The following IQCH variants were observed in gnomAD, a reference collection of about 807,000 sequenced individuals.
The protein encoded by IQCH is IQ motif containing H.
In IQCH, 98 loss-of-function variants were observed where a neutral mutation model predicts 117.0. That is an observed-to-expected ratio of 0.84 (90% CI 0.71 to 0.99). IQCH has a LOEUF of 0.99. IQCH is among the 50% of genes least tolerant of loss of function. The pLI, the probability that IQCH is intolerant of heterozygous loss-of-function variation, is 0.00. For synonymous variants in IQCH, 412 were observed against 448.2 expected (o/e 0.92, Z 1.02); for missense variants, 1,102 against 1,243.8 (o/e 0.89, Z 1.72).
chr15:67,499,152 A>G (rs1376476617), intron 20 of IQCH, among the ~76,000 whole-genome samples: 1 of 151,942 alleles, frequency 6.6e-6, no homozygotes, highest in Non-Finnish European at 1.5e-5. Context: ...ATTTTTAGCT[A>G]GCCAGGCATG....
chr15:67,428,862 A>AAGAG (rs376864110), intron 16 of IQCH, among the ~76,000 whole-genome samples: 1 of 150,248 alleles, frequency 6.7e-6, no homozygotes, highest in African/African-American at 2.4e-5. Context: ...AAAAAAAAAA[A>AAGAG]AGAGAGAGAG....
At chr15:67,373,455 A>G (rs377457800) in intron 10 of IQCH, 22 bp downstream of exon 10, 6 of 1,494,734 alleles carry the variant, frequency 4.0e-6, no homozygotes, top group Non-Finnish European at 5.6e-6. Flanking sequence ...TTGCCTGCAA[A>G]TCTATCAGCA....
chr15:67,377,124 A>G (rs1042284851), intron 10 of IQCH, among the ~76,000 whole-genome samples: 4 of 150,202 alleles, frequency 2.7e-5, no homozygotes, highest in African/African-American at 2.5e-5. Context: ...TCAAAAAAAA[A>G]AAAAAAAGAA....
intron 8 of IQCH, chr15:67,371,492 A>C (rs748318087): frequency 1.3e-6 from 2 of 1,593,094 alleles, no homozygotes; most frequent in Non-Finnish European, 1.7e-6. Context: ...CAGACTTAAG[A>C]ATAAAAGAAC....
chr15:67,296,451 G>T (rs1025363441), intron 4 of IQCH, among the ~76,000 whole-genome samples: 17 of 152,156 alleles, frequency 1.1e-4, no homozygotes, highest in African/African-American at 3.9e-4. Context: ...GAATGGGTCA[G>T]ATTACGCCAC....
chr15:67,388,833 G>A lies in IQCH; in HGVS notation c.1459G>A (p.Ala487Thr), dbSNP rs1287520981. Reference protein sequence around the residue: ...QLGRLCDILDANVNVIYICSH... With the variant: ...QLGRLCDILDTNVNVIYICSH... ...AACATTGTGCCTGTTGTTTTTAGAT[G>A]CCAATGTGAATGTCATCTACATCTG... The change falls in exon 12 of 21, where the codon GCC (alanine) becomes ACC (threonine). Residue 487 changes from alanine to threonine, a missense_variant and splice_region_variant. Ala to Thr is a moderately conservative substitution (Grantham distance 58). Around this residue, in one of 2 missense-constraint regions of IQCH, gnomAD observed 650 missense variants for 794.3 expected, o/e 0.82. Coordinates refer to ENST00000335894, the MANE Select transcript of IQCH (RefSeq NM_001031715.3). The surrounding 1 kb of genome is among the most constrained non-coding windows in gnomAD (Gnocchi z 5.5). The A allele has an allele frequency of 6.2e-7, 1 of 1,611,796 alleles. No homozygotes were observed. The highest frequency in any genetic ancestry group is 8.5e-7 in the Non-Finnish European group (1 of 1,178,412).
chr15:67,344,580 C>T (rs543170471), intron 6 of IQCH, among the ~76,000 whole-genome samples: 2 of 152,302 alleles, frequency 1.3e-5, no homozygotes, highest in African/African-American at 2.4e-5. Flanking sequence ...GACTGACAGA[C>T]TTTGAATGGA....
At chr15:67,346,621 A>G (rs1969405493) in intron 6 of IQCH, among the ~76,000 whole-genome samples, 1 of 152,198 alleles carries the variant, frequency 6.6e-6, no homozygotes, top group Admixed American at 6.5e-5. Context: ...TGTGTAGCTC[A>G]GTTCCTAATG....
chr15:67,316,531 T>C (rs1471668149), intron 4 of IQCH, among the ~76,000 whole-genome samples: 2 of 152,170 alleles, frequency 1.3e-5, no homozygotes, highest in African/African-American at 2.4e-5. Flanking sequence ...AAAGTGTAGA[T>C]ACTGGACTTT....
Position 67,472,189 on chromosome 15 carries a change from G to A in IQCH, c.2677-3507G>A, listed in dbSNP as rs1336853880. Among the ~76,000 whole-genome samples the A allele has an allele frequency of 6.6e-6, 1 of 152,158 alleles. No homozygotes were observed. The highest frequency in any genetic ancestry group is 1.9e-4 in the East Asian group (1 of 5,194). ...TTAAAGACTAGAACAGTCACTAACT[G>A]GCGAGGAGGGGAGGACGTCCCCTAG... On this transcript the variant is annotated intron_variant, in intron 17 of 20. Coordinates refer to ENST00000335894, the MANE Select transcript of IQCH (RefSeq NM_001031715.3). This position sits in a 1 kb window ranked among gnomAD's most constrained non-coding sequence, Gnocchi z 4.3.
chr15:67,313,399 G>A (rs760948948), intron 4 of IQCH, among the ~76,000 whole-genome samples: 8 of 152,006 alleles, frequency 5.3e-5, no homozygotes, highest in Admixed American at 3.3e-4. Flanking sequence ...CAGAATCATC[G>A]TCAGGGCCAC....
At chr15:67,441,619 A>T (rs1596382861) in intron 16 of IQCH, among the ~76,000 whole-genome samples, 1 of 152,344 alleles carries the variant, frequency 6.6e-6, no homozygotes, top group East Asian at 1.9e-4. Context: ...CAAAGCAAAC[A>T]AAAACATAAA....
chr15:67,264,095 T>G (rs1965569588), intron 3 of IQCH, among the ~76,000 whole-genome samples: 1 of 152,212 alleles, frequency 6.6e-6, no homozygotes, highest in Non-Finnish European at 1.5e-5. Context: ...GAGCTTTGGG[T>G]GTACATTGGA....
Position 67,417,756 on chromosome 15 carries a change from G to A in IQCH, c.2218+705G>A, listed in dbSNP as rs568811112. The stretch of plus-strand genomic sequence containing the variant: ...TTACACAGAGGCACACCTATGCAAC[G>A]GCCCTCAGTCTCTAGGAGGTTACAG... On this transcript the variant is annotated intron_variant, in intron 15 of 20. Transcript: ENST00000335894. The surrounding 1 kb of genome is among the most constrained non-coding windows in gnomAD (Gnocchi z 4.3). Among the ~76,000 whole-genome samples the A allele has an allele frequency of 1.4e-4, 22 of 152,182 alleles. No homozygotes were observed. The highest frequency in any genetic ancestry group is 5.1e-4 in the African/African-American group (21 of 41,512).
At chr15:67,299,290 G>T (rs958077079) in intron 4 of IQCH, among the ~76,000 whole-genome samples, 4 of 151,850 alleles carry the variant, frequency 2.6e-5, no homozygotes, top group Non-Finnish European at 4.4e-5. Flanking sequence ...TGCGGGGCTT[G>T]GGGAGAAGGG....
intron 6 of IQCH, among the ~76,000 whole-genome samples, chr15:67,346,600 T>G (rs560992597): frequency 7.9e-4 from 120 of 152,266 alleles, no homozygotes; most frequent in African/African-American, 2.8e-3. Context: ...CACCTGCCAC[T>G]TGCCTCCTGT....
intron 13 of IQCH, among the ~76,000 whole-genome samples, chr15:67,397,111 T>C (rs901713140): frequency 5.3e-5 from 8 of 152,226 alleles, no homozygotes; most frequent in African/African-American, 1.7e-4. Flanking sequence ...GTTATACTTA[T>C]TACAAGCAAA....
intron 3 of IQCH, among the ~76,000 whole-genome samples, chr15:67,263,706 C>T (rs1965551766): frequency 6.6e-6 from 1 of 151,926 alleles, no homozygotes; most frequent in Non-Finnish European, 1.5e-5. Context: ...TTTTAGATCA[C>T]CTGGTACTTT....
intron 4 of IQCH, among the ~76,000 whole-genome samples, chr15:67,336,198 T>C (rs1968884248): frequency 6.6e-6 from 1 of 152,174 alleles, no homozygotes. Flanking sequence ...TGTAAATTAA[T>C]TAATGTTTGG....
Sources: gnomAD v4.1 joint callset for allele counts (sites outside exome capture counted in the v4.1 genomes callset) on GRCh38, gnomAD v4.1.1 for gene constraint, gnomAD v4.1.1 regional missense constraint, Gnocchi (gnomAD v3.1) non-coding constraint, MANE v1.5 for transcripts, NCBI Gene and HGNC (gene_info 2026-07-23, HGNC 2026-07-21) for gene names.